Variants in ZNF33B observed in about 807,000 individuals in gnomAD.
The protein encoded by ZNF33B is zinc finger protein 11b (KOX 2).
Under a neutral mutation model 45.8 loss-of-function variants are expected in ZNF33B, and 29 were observed. That is an observed-to-expected ratio of 0.63 (90% CI 0.47 to 0.86). The LOEUF is 0.86. ZNF33B is among the 40% of genes least tolerant of loss of function. The pLI is 0.00. For missense variants in ZNF33B, 831 were observed against 909.9 expected (o/e 0.91, Z 1.12); for synonymous variants, 305 against 307.8 (o/e 0.99, Z 0.10).
chr10:42,592,955 A>G lies in ZNF33B; in HGVS notation c.1995T>C (p.Tyr665=), dbSNP rs1166171691. 1.5e-5 allele frequency: 24 copies of G among 1,613,674 alleles called. No individual in the cohort carries two copies. The highest frequency in any genetic ancestry group is 6.7e-5 in the East Asian group (3 of 44,836). Residue 665 remains tyrosine, a synonymous_variant, in exon 5 of 5, where the codon TAT becomes TAC. Transcript: ENST00000359467. ...AAGATTTTCCACATTCGTTACATTT[A>G]TAAGGCTTTTCTTGTGTATGGGTTC... ...HQRTHTQEKP[Y]KCNECGKSFC...
intron 4 of ZNF33B, among the ~76,000 whole-genome samples, chr10:42,605,533 A>G (rs976981011): frequency 1.3e-5 from 2 of 152,168 alleles, no homozygotes; most frequent in Non-Finnish European, 2.9e-5. Flanking sequence ...TCAAATTAAA[A>G]AACAAATAGA....
downstream of ZNF33B, among the ~76,000 whole-genome samples, chr10:42,586,761 T>G (rs1836944517): frequency 6.6e-6 from 1 of 152,224 alleles, no homozygotes; most frequent in Admixed American, 6.5e-5. Flanking sequence ...ATATTCCTCA[T>G]GTGCAGAGAT....
chr10:42,631,371 A>G (rs903417917), intron 4 of ZNF33B, among the ~76,000 whole-genome samples: 5 of 152,028 alleles, frequency 3.3e-5, no homozygotes, highest in African/African-American at 1.2e-4. Flanking sequence ...ACGCCCAGCT[A>G]ATTTTGTATT....
chr10:42,621,801 A>G (rs887657891), intron 4 of ZNF33B, among the ~76,000 whole-genome samples: 4 of 151,910 alleles, frequency 2.6e-5, no homozygotes, highest in Non-Finnish European at 5.9e-5. Flanking sequence ...GAAGACAAAA[A>G]TACCCACTTT....
chr10:42,622,511 G>C (rs970132365), intron 4 of ZNF33B, among the ~76,000 whole-genome samples: 3 of 152,174 alleles, frequency 2.0e-5, no homozygotes, highest in Non-Finnish European at 4.4e-5. Flanking sequence ...ATACAAGTGA[G>C]AGCCCAAAAA....
At chr10:42,597,933 A>G (rs1052592897) in intron 4 of ZNF33B, among the ~76,000 whole-genome samples, 2 of 152,220 alleles carry the variant, frequency 1.3e-5, no homozygotes, top group African/African-American at 4.8e-5. Flanking sequence ...TGATTTGCAT[A>G]TAATTGGAAA....
chr10:42,593,593 T>C lies in ZNF33B; in HGVS notation c.1357A>G (p.Asn453Asp). ...CYECGKSFCM[N>D]SHLTVHQRTH... Reference sequence around the variant, plus strand: ...CTCTGGTGTACTGTAAGGTGTGAATTCATACAGAAGGATTTTCCACATTCA... The same window carrying C: ...CTCTGGTGTACTGTAAGGTGTGAATCCATACAGAAGGATTTTCCACATTCA... The change falls in exon 5 of 5, where the codon AAT becomes GAT. Residue 453 changes from asparagine to aspartate, a missense_variant. Transcript: ENST00000359467. 1 of 1,614,084 alleles carries C rather than the reference T, an allele frequency of 6.2e-7. No individual in the cohort carries two copies. Among genetic ancestry groups the C allele is most frequent in the Non-Finnish European group, 8.5e-7 (1 of 1,179,978 alleles).
intron 4 of ZNF33B, among the ~76,000 whole-genome samples, chr10:42,612,232 G>GTTTT (rs1838130205): frequency 2.0e-5 from 2 of 101,458 alleles, no homozygotes; most frequent in Admixed American, 1.2e-4. Context: ...TACAGAAGTT[G>GTTTT]ATTTTTTTTT....
intron 4 of ZNF33B, among the ~76,000 whole-genome samples, chr10:42,623,794 A>C (rs528096325): frequency 6.6e-6 from 1 of 152,258 alleles, no homozygotes; most frequent in Non-Finnish European, 1.5e-5. Context: ...TAGACTGTAC[A>C]CTTAAAAACT....
chr10:42,626,178 G>T (rs1160347487), intron 4 of ZNF33B, among the ~76,000 whole-genome samples: 2 of 152,088 alleles, frequency 1.3e-5, no homozygotes, highest in Non-Finnish European at 2.9e-5. Flanking sequence ...TAATTACATT[G>T]ATTGATTTCT....
At chr10:42,625,025 AT>A (rs1838740257) in intron 4 of ZNF33B, among the ~76,000 whole-genome samples, 1 of 111,904 alleles carries the variant, frequency 8.9e-6, no homozygotes, top group African/African-American at 3.1e-5. Context: ...ATTTCTCAAA[AT>A]TGTTTCATAT....
intron 4 of ZNF33B, among the ~76,000 whole-genome samples, chr10:42,599,549 T>C (rs1837539047): frequency 1.3e-5 from 2 of 151,828 alleles, no homozygotes; most frequent in African/African-American, 4.8e-5. Context: ...ATATTTAATA[T>C]ATATTACACA....
intron 1 of ZNF33B, chr10:42,581,500 G>C (rs1393455196): frequency 6.7e-6 from 1 of 149,954 alleles, no homozygotes. Flanking sequence ...GTGTGTCCAC[G>C]GGAAGACATG....
At chr10:42,579,291 CGATT>C (rs1281261195) in intron 1 of ZNF33B, among the ~76,000 whole-genome samples, 1 of 152,104 alleles carries the variant, frequency 6.6e-6, no homozygotes, top group Non-Finnish European at 1.5e-5. Context: ...GCTTGGGGAA[CGATT>C]GATTCTGTTA....
Position 42,574,538 on chromosome 10 carries a change from C to T in ZNF33B, c.*103G>A, listed in dbSNP as rs533471641. 3.9e-5 allele frequency: 6 copies of T among 152,146 alleles called. No homozygotes were observed. In the East Asian group the frequency reaches 1.2e-3, roughly 29 times the overall value. 9.4% of individuals were successfully genotyped at this position (152,146 alleles called of 1,614,324 possible). A position where few individuals can be genotyped will look rare whatever the true frequency, so the allele number is the denominator to read the frequency against. On this transcript the variant is annotated 3_prime_UTR_variant, in exon 2 of 2. Coordinates refer to the ZNF33B transcript ENST00000462075. ...CCCTTTTTTATGTTACCCACTCCACCATCACATTTCCTCTTCCTCTTTTTC... is the reference window on the plus strand; with the variant it reads ...CCCTTTTTTATGTTACCCACTCCACTATCACATTTCCTCTTCCTCTTTTTC...
At chr10:42,605,863 A>T (rs1391981760) in intron 4 of ZNF33B, among the ~76,000 whole-genome samples, 1 of 152,166 alleles carries the variant, frequency 6.6e-6, no homozygotes, top group Non-Finnish European at 1.5e-5. Context: ...TGGGAGGCTG[A>T]AGCAGGAGAA....
rs1198159086 is a variant in ZNF33B, at chr10:42,590,849, A to T, written c.*1764T>A. On this transcript the variant is annotated 3_prime_UTR_variant, in exon 5 of 5. Transcript: ENST00000359467. The stretch of plus-strand genomic sequence containing the variant: ...ATCTAGCTAGAGGTTTATCAATTTT[A>T]CCCACCTTTTCAAAGAACAGTTTTG... 1 of 152,044 alleles carries T rather than the reference A, an allele frequency of 6.6e-6. No homozygotes were observed. Among genetic ancestry groups the T allele is most frequent in the Non-Finnish European group, 1.5e-5 (1 of 68,038 alleles). 9.4% of individuals were successfully genotyped at this position (152,044 alleles called of 1,614,324 possible). A position where few individuals can be genotyped will look rare whatever the true frequency, so the allele number is the denominator to read the frequency against.
downstream of ZNF33B, among the ~76,000 whole-genome samples, chr10:42,585,552 T>G (rs1024922001): frequency 1.3e-5 from 2 of 152,192 alleles, no homozygotes; most frequent in Non-Finnish European, 2.9e-5. Context: ...TCACTATCTA[T>G]CTACCAATGA....
At chr10:42,636,857 T>C (rs1839327704) in intron 2 of ZNF33B, 63 bp downstream of exon 2, 7 of 1,609,310 alleles carry the variant, frequency 4.3e-6, no homozygotes, top group African/African-American at 2.7e-5. Context: ...AAAACCATAC[T>C]GACTCTTACA....
Sources: gnomAD v4.1 joint callset for allele counts (sites outside exome capture counted in the v4.1 genomes callset) on GRCh38, gnomAD v4.1.1 for gene constraint, MANE v1.5 for transcripts, NCBI Gene and HGNC (gene_info 2026-07-23, HGNC 2026-07-21) for gene names.